The following MYOF variants were observed in gnomAD, a reference collection of about 807,000 sequenced individuals.
MYOF encodes the protein myoferlin.
In MYOF, 244 loss-of-function variants were observed where a neutral mutation model predicts 284.2. The ratio of observed to expected loss-of-function variants is 0.86; its 90% CI spans 0.77 to 0.95. The LOEUF (loss-of-function observed/expected upper bound fraction) is 0.95, where lower values mean the gene tolerates loss of function less well. MYOF is among the 40% of genes least tolerant of loss of function. The pLI is 0.00. For missense variants in MYOF, 2,496 were observed against 2,560.6 expected (o/e 0.97, Z 0.54); for synonymous variants, 904 against 919.7 (o/e 0.98, Z 0.31).
At position 93,306,769 on chromosome 10, in the gene MYOF, T is replaced by G; in HGVS notation, c.*194A>C. 1.6e-6 allele frequency: 1 copy of G among 607,164 alleles called. No homozygotes were observed. Among genetic ancestry groups the G allele is most frequent in the Non-Finnish European group, 2.9e-6 (1 of 340,914 alleles). The allele number at this position is 607,164 out of a possible 1,614,324, so 37.6% of individuals were successfully genotyped here. The stretch of plus-strand genomic sequence containing the variant: ...AATAAAACTTTTAATACTTAAGAGA[T>G]AACATGATGCAAACGTTGCTTGTTG... On this transcript the variant is annotated 3_prime_UTR_variant, in exon 54 of 54. Transcript: ENST00000359263.
intron 1 of MYOF, among the ~76,000 whole-genome samples, chr10:93,462,095 C>CT (rs11378680): frequency 0.88 from 128,237 of 145,352 alleles, 56,698 homozygotes; most frequent in East Asian, 0.97. Context: ...AGCCCCCCAC[C>CT]TTTTTTTTTT....
intron 45 of MYOF, 121 bp downstream of exon 45, chr10:93,328,642 G>T: frequency 9.9e-7 from 1 of 1,007,748 alleles, no homozygotes. Flanking sequence ...TTAGTGTCAC[G>T]TGCACAGTCT....
chr10:93,457,736 A>AT (rs5787062), intron 1 of MYOF, among the ~76,000 whole-genome samples: 129,804 of 142,354 alleles, frequency 0.91, 59,689 homozygotes, highest in South Asian at 0.98. Context: ...ATCTCATCTA[A>AT]TTTTTTTTTT....
intron 5 of MYOF, among the ~76,000 whole-genome samples, chr10:93,415,030 C>T (rs986288004): frequency 6.6e-6 from 1 of 152,072 alleles, no homozygotes; most frequent in East Asian, 1.9e-4. Context: ...AAGCGTGAGC[C>T]ACCGCGCCTG....
At chr10:93,359,765 T>G in intron 29 of MYOF, 68 bp downstream of exon 29, 2 of 1,591,194 alleles carry the variant, frequency 1.3e-6, no homozygotes, top group South Asian at 2.3e-5. Context: ...AAATGGCTAG[T>G]TAGCTGGGAC....
chr10:93,344,726 TAAAAAAAAA>T (rs3081452), intron 37 of MYOF, among the ~76,000 whole-genome samples: 4 of 76,216 alleles, frequency 5.2e-5, no homozygotes, highest in South Asian at 5.6e-4. Context: ...GAACTTAAAT[TAAAAAAAAA>T]AAAAAAAAAA....
At chr10:93,457,033 A>G in intron 1 of MYOF, 96 bp from the exon 2 acceptor site, 2 of 822,750 alleles carry the variant, frequency 2.4e-6, no homozygotes, top group Non-Finnish European at 3.9e-6. Context: ...CCAAGGGTCT[A>G]CTTGCACCCA....
At chr10:93,421,607 G>A (rs1430174348) in intron 5 of MYOF, among the ~76,000 whole-genome samples, 1 of 152,202 alleles carries the variant, frequency 6.6e-6, no homozygotes, top group Non-Finnish European at 1.5e-5. Flanking sequence ...CCGCAGTAAT[G>A]AATGAGTTCA....
intron 24 of MYOF, 21 bp from the exon 25 acceptor site, chr10:93,369,797 T>C (rs1268483933): frequency 1.1e-5 from 18 of 1,613,812 alleles, no homozygotes; most frequent in Non-Finnish European, 1.5e-5. Flanking sequence ...AACAATAGCA[T>C]GTGATGTTAC....
chr10:93,366,721 T>C (rs1243219896), intron 25 of MYOF, among the ~76,000 whole-genome samples, 166 bp from the exon 26 acceptor site: 2 of 152,224 alleles, frequency 1.3e-5, no homozygotes, highest in African/African-American at 4.8e-5. Context: ...TTACTGATTA[T>C]GCAACTTCGG....
Position 93,307,014 on chromosome 10 carries a change from C to G in MYOF, c.6148-13G>C. On this transcript the variant is annotated splice_polypyrimidine_tract_variant and intron_variant, in intron 53 of 53. Coordinates refer to ENST00000359263, the MANE Select transcript of MYOF (RefSeq NM_013451.4). ...TTGACAAATAGTTCTGGAAAGGAAA[C>G]AAAAACAGTGGTAAAAAAACATGTA... 1.2e-6 allele frequency: 2 copies of G among 1,608,534 alleles called. No individual in the cohort carries two copies. The highest frequency in any genetic ancestry group is 2.2e-5 in the South Asian group (2 of 90,608).
intron 49 of MYOF, among the ~76,000 whole-genome samples, chr10:93,319,024 A>G (rs1231328870): frequency 2.0e-5 from 3 of 152,168 alleles, no homozygotes; most frequent in Non-Finnish European, 4.4e-5. Flanking sequence ...CCCAAATTTT[A>G]GAGAAGCTGC....
intron 3 of MYOF, among the ~76,000 whole-genome samples, chr10:93,441,561 C>G: frequency 8.0e-6 from 1 of 125,066 alleles, no homozygotes; most frequent in Non-Finnish European, 1.7e-5. Flanking sequence ...ATTTTTGTAT[C>G]TTTTTTTTTT....
intron 1 of MYOF, among the ~76,000 whole-genome samples, chr10:93,477,906 G>T (rs1427532471): frequency 2.0e-5 from 3 of 151,988 alleles, no homozygotes; most frequent in African/African-American, 7.2e-5. Context: ...GCACCACAGG[G>T]ACACCCACTG....
rs1429193125 is a variant in MYOF, at chr10:93,351,796, T to C, written c.3532A>G (p.Ile1178Val). Reference sequence around the variant, plus strand: ...CACGTGGGATTCAGGGTTGAATGGATGATCTCAGTGGTTTTGCTCCGATGG... The same window carrying C: ...CACGTGGGATTCAGGGTTGAATGGACGATCTCAGTGGTTTTGCTCCGATGG... ...FLHRSKTTEI[I>V]HSTLNPTWDQ... is the part of the protein sequence containing the mutation. The change falls in exon 33 of 54, where the codon ATC (isoleucine) becomes GTC (valine). Residue 1178 changes from isoleucine (I) to valine (V), a missense_variant. Physicochemically the swap from Ile to Val is conservative, Grantham distance 29. This residue lies in a region of MYOF where 2,436 missense variants were observed against 2,480.7 expected (regional missense o/e 0.98). Coordinates refer to ENST00000359263, the MANE Select transcript of MYOF (RefSeq NM_013451.4). 1 of 1,593,516 alleles carries C rather than the reference T, an allele frequency of 6.3e-7. No individual in the cohort carries two copies. The highest frequency in any genetic ancestry group is 1.4e-5 in the African/African-American group (1 of 73,392).
chr10:93,340,453 A>G (rs1843846585), intron 38 of MYOF, among the ~76,000 whole-genome samples: 1 of 152,122 alleles, frequency 6.6e-6, no homozygotes, highest in Non-Finnish European at 1.5e-5. Context: ...CCCTCATCTC[A>G]TGTTTTCGAT....
intron 4 of MYOF, 78 bp downstream of exon 4, chr10:93,431,330 G>A (rs1171870582): frequency 1.6e-6 from 2 of 1,276,864 alleles, no homozygotes; most frequent in East Asian, 4.8e-5. Context: ...ACCACGCCCG[G>A]CCTTAGACCT....
At chr10:93,331,566 C>G (rs113371348) in intron 43 of MYOF, among the ~76,000 whole-genome samples, 24 of 152,274 alleles carry the variant, frequency 1.6e-4, no homozygotes, top group African/African-American at 4.8e-4. Flanking sequence ...CTCCTTCCTG[C>G]CCTGCGTGCC....
chr10:93,326,381 G>A (rs564799440), intron 45 of MYOF, among the ~76,000 whole-genome samples: 1 of 152,228 alleles, frequency 6.6e-6, no homozygotes, highest in South Asian at 2.1e-4. Context: ...TCCCTCCTGG[G>A]TAGGAGTCTC....
Sources: gnomAD v4.1 joint callset for allele counts (sites outside exome capture counted in the v4.1 genomes callset) on GRCh38, gnomAD v4.1.1 for gene constraint, gnomAD v4.1.1 regional missense constraint, MANE v1.5 for transcripts, NCBI Gene and HGNC (gene_info 2026-07-23, HGNC 2026-07-21) for gene names.